Variants in BCL2L1 observed in about 807,000 individuals in gnomAD.
The protein encoded by BCL2L1 is BCL2 like 1, also known as bcl-2-like protein 1.
A neutral mutation model predicts 18.7 loss-of-function variants in BCL2L1; 1 was observed. That is an observed-to-expected ratio of 0.05 (90% CI 0.02 to 0.25). The LOEUF (loss-of-function observed/expected upper bound fraction) is 0.25. Ranked by LOEUF, BCL2L1 falls within the 10% of genes least tolerant of loss-of-function variation. The pLI is 1.00. For synonymous variants in BCL2L1, 103 were observed against 122.7 expected (o/e 0.84, Z 1.06); for missense variants, 207 against 304.9 (o/e 0.68, Z 2.39).
At chr20:31,714,793 A>G (rs1346139247) in intron 2 of BCL2L1, among the ~76,000 whole-genome samples, 1 of 152,230 alleles carries the variant, frequency 6.6e-6, no homozygotes, top group Non-Finnish European at 1.5e-5. Flanking sequence ...CTTTGATTCT[A>G]GGACCTCCAA....
At chr20:31,705,418 T>C (rs73613733) in intron 2 of BCL2L1, among the ~76,000 whole-genome samples, 1 of 152,300 alleles carries the variant, frequency 6.6e-6, no homozygotes, top group East Asian at 1.9e-4. Context: ...TGGAAAGGAA[T>C]GCACCCAAAA....
At chr20:31,712,220 T>C (rs1274538154) in intron 2 of BCL2L1, among the ~76,000 whole-genome samples, 5 of 152,142 alleles carry the variant, frequency 3.3e-5, no homozygotes, top group Admixed American at 6.5e-5. Context: ...ACCTAGACAA[T>C]AGCGCACTGG....
At chr20:31,708,692 C>T (rs546088280) in intron 2 of BCL2L1, among the ~76,000 whole-genome samples, 1 of 152,282 alleles carries the variant, frequency 6.6e-6, no homozygotes, top group African/African-American at 2.4e-5. Flanking sequence ...ATGGGGGCCT[C>T]TTGGGCAGGA....
intron 2 of BCL2L1, 46 bp from the exon 3 acceptor site, chr20:31,666,132 G>C: frequency 6.2e-7 from 1 of 1,605,954 alleles, no homozygotes; most frequent in Non-Finnish European, 8.5e-7. Flanking sequence ...CTCAGAGAGT[G>C]ATGTAGGTGG....
intron 2 of BCL2L1, among the ~76,000 whole-genome samples, chr20:31,719,920 T>C (rs2061595742): frequency 6.6e-6 from 1 of 152,222 alleles, no homozygotes; most frequent in Non-Finnish European, 1.5e-5. Flanking sequence ...AGGGTGTGTC[T>C]GCAGTACTGG....
rs375761825 is a variant in BCL2L1 at position 31,667,455 on chromosome 20, C to CA, written c.565-1370dup. Among the ~76,000 whole-genome samples, 335 of 109,678 alleles carry CA rather than the reference C, an allele frequency of 3.1e-3. 1 individual carries two copies. The highest frequency in any genetic ancestry group is 5.2e-3 in the Non-Finnish European group (283 of 54,758). 72.0% of individuals were successfully genotyped at this position (109,678 alleles called of 152,430 possible). The stretch of plus-strand genomic sequence containing the variant: ...CAGTCTGGGTGACAGAGACTCCGTT[C>CA]AAAAAAAAAAAAGGAAGTACCATAG... On this transcript the variant is annotated intron_variant, in intron 2 of 2. Coordinates refer to ENST00000307677, the MANE Select transcript of BCL2L1 (RefSeq NM_138578.3).
chr20:31,665,870 G>C lies in BCL2L1; in HGVS notation c.*79C>G. ...ATGGGCTGCATGTAGTGGTTCTCCT[G>C]GTGGCAATGGCGGCTGGACGGAGGA... On this transcript the variant is annotated 3_prime_UTR_variant, in exon 3 of 3. Transcript: ENST00000307677. 6.4e-7 allele frequency: 1 copy of C among 1,559,052 alleles called. No individual in the cohort carries two copies. The highest frequency in any genetic ancestry group is 8.7e-7 in the Non-Finnish European group (1 of 1,144,258).
chr20:31,693,068 CAA>C (rs570960056), intron 2 of BCL2L1, among the ~76,000 whole-genome samples: 3 of 64,604 alleles, frequency 4.6e-5, no homozygotes, highest in Non-Finnish European at 6.6e-5. Flanking sequence ...GGGACCGTCT[CAA>C]AAAAAAAAAA....
At chr20:31,720,677 C>T in intron 2 of BCL2L1, 1 of 981,724 alleles carries the variant, frequency 1.0e-6, no homozygotes, top group Non-Finnish European at 1.2e-6. Context: ...GGAGAGCTTG[C>T]CACATTTTTT....
chr20:31,713,446 G>A (rs1007974920), intron 2 of BCL2L1: 3 of 985,322 alleles, frequency 3.0e-6, no homozygotes, highest in East Asian at 1.1e-4. Flanking sequence ...CACTCTTGCC[G>A]GCAGGGCTGG....
intron 2 of BCL2L1, among the ~76,000 whole-genome samples, chr20:31,694,761 T>C (rs1397830905): frequency 6.6e-6 from 1 of 152,170 alleles, no homozygotes; most frequent in Non-Finnish European, 1.5e-5. Flanking sequence ...AACTAAGGCT[T>C]GGCAAAGTCA....
At chr20:31,666,294 A>G (rs181958419) in intron 2 of BCL2L1, among the ~76,000 whole-genome samples, 1 of 152,274 alleles carries the variant, frequency 6.6e-6, no homozygotes, top group Non-Finnish European at 1.5e-5. Context: ...GCTGAGAAAC[A>G]GGTAGAGAGG....
At chr20:31,675,875 T>G (rs928925380) in intron 2 of BCL2L1, among the ~76,000 whole-genome samples, 1 of 152,200 alleles carries the variant, frequency 6.6e-6, no homozygotes, top group Non-Finnish European at 1.5e-5. Flanking sequence ...ACAACAAACT[T>G]CATGTTTATC....
chr20:31,713,336 G>A (rs2061480867), intron 2 of BCL2L1: 4 of 985,188 alleles, frequency 4.1e-6, no homozygotes. Context: ...GAAAGGGTAG[G>A]GAGCAAAGAA....
At chr20:31,689,909 C>T (rs548858007) in intron 2 of BCL2L1, among the ~76,000 whole-genome samples, 30 of 152,086 alleles carry the variant, frequency 2.0e-4, no homozygotes, top group African/African-American at 6.3e-4. Context: ...CCCAGCTGCT[C>T]GGGAGGCTGA....
rs545637324 is a variant in BCL2L1 at position 31,719,329 on chromosome 20, A to G, written c.564+2326T>C. ...TTTAGAACATAGCCCTGAGTAGAAT[A>G]GCCCATAACTCCTACCCTTAAGGAT... is the stretch of plus-strand genomic sequence containing the variant. On this transcript the variant is annotated intron_variant, in intron 2 of 2. Transcript: ENST00000307677. Among the ~76,000 whole-genome samples, 5 of 152,288 alleles carry G rather than the reference A, an allele frequency of 3.3e-5. No individual in the cohort carries two copies. In the East Asian group the frequency reaches 9.6e-4, roughly 29 times the overall value.
chr20:31,709,367 G>C (rs553097193), intron 2 of BCL2L1, among the ~76,000 whole-genome samples: 1 of 151,002 alleles, frequency 6.6e-6, no homozygotes, highest in East Asian at 2.0e-4. Context: ...TGATCTTTTT[G>C]GTGTGTGTGT....
At chr20:31,674,017 C>G (rs2060716901) in intron 2 of BCL2L1, among the ~76,000 whole-genome samples, 1 of 152,190 alleles carries the variant, frequency 6.6e-6, no homozygotes, top group Non-Finnish European at 1.5e-5. Flanking sequence ...AATGGAGGCT[C>G]CAGAATTTAC....
intron 2 of BCL2L1, among the ~76,000 whole-genome samples, chr20:31,670,126 G>C (rs1358152666): frequency 6.6e-6 from 1 of 152,188 alleles, no homozygotes; most frequent in Non-Finnish European, 1.5e-5. Context: ...AGGAATGTGG[G>C]AGCAGGGTTG....
Sources: allele counts gnomAD v4.1 joint callset (sites outside exome capture counted in the v4.1 genomes callset), GRCh38; gene constraint gnomAD v4.1.1; transcripts MANE v1.5; gene names NCBI Gene and HGNC (gene_info 2026-07-23, HGNC 2026-07-21).